Variants in HIVEP2 observed in about 807,000 individuals in gnomAD.
HIVEP2 encodes transcription factor HIVEP2.
A neutral mutation model predicts 180.7 loss-of-function variants in HIVEP2; 14 were observed. That is an observed-to-expected ratio of 0.08 (90% CI 0.05 to 0.12). The LOEUF is 0.12. Among genes scored for constraint, HIVEP2 ranks in the 10% least tolerant of loss-of-function variants. The pLI is 1.00. For missense variants in HIVEP2, 2,579 were observed against 3,008.5 expected (o/e 0.86, Z 3.34); for synonymous variants, 1,184 against 1,136.4 (o/e 1.04, Z -0.84).
intron 1 of HIVEP2, among the ~76,000 whole-genome samples, chr6:142,925,312 T>C (rs1777779486): frequency 6.6e-6 from 1 of 152,224 alleles, no homozygotes; most frequent in African/African-American, 2.4e-5. Flanking sequence ...GAGTGTACTA[T>C]AATGGATTCT....
intron 1 of HIVEP2, among the ~76,000 whole-genome samples, chr6:142,939,325 C>T (rs1778121739): frequency 6.6e-6 from 1 of 152,038 alleles, no homozygotes; most frequent in South Asian, 2.1e-4. Context: ...GTCTCCTTGC[C>T]ACCGAGATAT....
At position 142,820,297 on chromosome 6, in the gene HIVEP2, TTC is replaced by T. The variant is rs3057563; in HGVS notation, c.-528+16636_-528+16637del. 7.1e-4 allele frequency among the ~76,000 whole-genome samples: 106 copies of T among 148,302 alleles called. No homozygotes were observed. In the East Asian group the frequency reaches 9.1e-3, roughly 13 times the overall value. ...ACTACTTTACCAGGCTCGCTCTCTC[TTC>T]TCTCTCTCTCTCTCTCTCTCTCTGT... On this transcript the variant is annotated intron_variant, in intron 2 of 9. Coordinates refer to ENST00000367603, the MANE Select transcript of HIVEP2 (RefSeq NM_006734.4).
intron 2 of HIVEP2, among the ~76,000 whole-genome samples, chr6:142,814,422 C>T (rs987703560): frequency 7.9e-5 from 12 of 152,092 alleles, no homozygotes; most frequent in African/African-American, 2.7e-4. Context: ...GTGGAGACTT[C>T]GGGCAAGGAC....
At chr6:142,883,751 C>T (rs182202739) in intron 1 of HIVEP2, among the ~76,000 whole-genome samples, 29 of 152,160 alleles carry the variant, frequency 1.9e-4, no homozygotes, top group Non-Finnish European at 3.4e-4. Flanking sequence ...TGGATCTCAC[C>T]AATATTTTAA....
chr6:142,923,758 T>C (rs1006121664), intron 1 of HIVEP2, among the ~76,000 whole-genome samples: 5 of 152,140 alleles, frequency 3.3e-5, no homozygotes, highest in Non-Finnish European at 7.4e-5. Flanking sequence ...AAGCCAGCCC[T>C]GTGGAGCCCC....
chr6:142,766,529 T>A (rs984657302), intron 6 of HIVEP2, among the ~76,000 whole-genome samples: 1 of 152,204 alleles, frequency 6.6e-6, no homozygotes, highest in Non-Finnish European at 1.5e-5. Context: ...ACAAAGCTAA[T>A]TTTCTTCAAG....
At position 142,772,848 on chromosome 6, in the gene HIVEP2, C is replaced by T. The variant is rs746488382; in HGVS notation, c.1891G>A (p.Gly631Arg). The change falls in exon 5 of 10, where the codon GGG becomes AGG. Residue 631 changes from glycine (G) to arginine (R), a missense_variant. Physicochemically the swap from Gly to Arg is moderately radical, Grantham distance 125. Around this residue, in one of 11 missense-constraint regions of HIVEP2, gnomAD observed 524 missense variants for 563.6 expected, o/e 0.93. Transcript: ENST00000367603. The surrounding 1 kb of genome is among the most constrained non-coding windows in gnomAD (Gnocchi z 4.9). ...TCATAGTCATACCCAACCCTGTCCC[C>T]AGGAGACAATTTCTTTTCCTTCAGG... ...SSLKEKKLSP[G>R]DRVGYDYDVC... 8 of 1,614,180 alleles carry T rather than the reference C, an allele frequency of 5.0e-6. No individual in the cohort carries two copies. Among genetic ancestry groups the T allele is most frequent in the South Asian group, 1.1e-5 (1 of 91,082 alleles).
chr6:142,904,915 C>G (rs1777225290), intron 1 of HIVEP2, among the ~76,000 whole-genome samples: 1 of 152,040 alleles, frequency 6.6e-6, no homozygotes. Context: ...ATCTATTGAC[C>G]TGGGATAACA....
rs1316825243 is a variant in HIVEP2, at chr6:142,771,283, G to A, written c.3456C>T (p.His1152=). ...PCPPLSSGPL[H]LAQPQIMHMD... ...TGTGCATGATCTGTGGCTGGGCCAG[G>A]TGCAGTGGCCCCGAGCTCAGCGGGG... The change falls in exon 5 of 10, where the codon CAC becomes CAT. Residue 1152 remains histidine, a synonymous_variant. Coordinates refer to ENST00000367603, the MANE Select transcript of HIVEP2 (RefSeq NM_006734.4). The surrounding 1 kb of genome is among the most constrained non-coding windows in gnomAD (Gnocchi z 5.4). 2 of 1,613,768 alleles carry A rather than the reference G, an allele frequency of 1.2e-6. No homozygotes were observed. The highest frequency in any genetic ancestry group is 1.7e-5 in the Admixed American group (1 of 60,032).
intron 4 of HIVEP2, among the ~76,000 whole-genome samples, chr6:142,775,654 G>A (rs1439065916): frequency 1.3e-5 from 2 of 152,054 alleles, no homozygotes; most frequent in African/African-American, 4.8e-5. Context: ...GGCCAAAATG[G>A]TGAAACCCCG....
intron 6 of HIVEP2, among the ~76,000 whole-genome samples, chr6:142,765,331 T>C (rs1775355052): frequency 6.6e-6 from 1 of 152,194 alleles, no homozygotes; most frequent in South Asian, 2.1e-4. Flanking sequence ...TCAAGGGACA[T>C]ACAAAAAGCA....
chr6:142,800,976 CTCTACATTTTGACCAGA>C (rs1776391026), intron 2 of HIVEP2, among the ~76,000 whole-genome samples: 1 of 152,066 alleles, frequency 6.6e-6, no homozygotes, highest in East Asian at 1.9e-4. Flanking sequence ...TGGCAGAAAC[CTCTACATTTTGACCAGA>C]GTGAATACTG....
chr6:142,857,860 C>A (rs898137300), intron 1 of HIVEP2, among the ~76,000 whole-genome samples: 1 of 152,184 alleles, frequency 6.6e-6, no homozygotes, highest in South Asian at 2.1e-4. Flanking sequence ...CGGGGGGAAG[C>A]CACGGGGCTG....
intron 2 of HIVEP2, among the ~76,000 whole-genome samples, chr6:142,815,324 G>T (rs1402636857): frequency 6.6e-6 from 1 of 152,114 alleles, no homozygotes; most frequent in Non-Finnish European, 1.5e-5. Flanking sequence ...GGAGACTGAG[G>T]AGTAATCGGG....
chr6:142,812,122 A>G (rs1349003616), intron 2 of HIVEP2, among the ~76,000 whole-genome samples: 1 of 152,234 alleles, frequency 6.6e-6, no homozygotes, highest in Non-Finnish European at 1.5e-5. Context: ...ATGGAAGTCC[A>G]GGGAGCCGAA....
intron 1 of HIVEP2, among the ~76,000 whole-genome samples, chr6:142,875,893 T>C (rs927088779): frequency 1.8e-5 from 2 of 112,612 alleles, no homozygotes; most frequent in East Asian, 4.4e-4. Context: ...GATAGATCCA[T>C]TAATGAAAAT....
chr6:142,939,653 A>G (rs573489387), intron 1 of HIVEP2, among the ~76,000 whole-genome samples: 52 of 152,338 alleles, frequency 3.4e-4, no homozygotes, highest in African/African-American at 1.2e-3. Flanking sequence ...CAGTTGGAAA[A>G]AATCCTGCTT....
chr6:142,796,874 A>C (rs557107681), intron 2 of HIVEP2, among the ~76,000 whole-genome samples: 1 of 152,154 alleles, frequency 6.6e-6, no homozygotes, highest in African/African-American at 2.4e-5. Context: ...GATGCTTGCA[A>C]CACTTGAGCT....
intron 1 of HIVEP2, among the ~76,000 whole-genome samples, chr6:142,939,502 CTA>C (rs1167611772): frequency 6.6e-6 from 1 of 152,198 alleles, no homozygotes; most frequent in Non-Finnish European, 1.5e-5. Flanking sequence ...TGCCCTGGTA[CTA>C]TCCCTGTCCC....
Sources: allele counts gnomAD v4.1 joint callset (sites outside exome capture counted in the v4.1 genomes callset), GRCh38; gene constraint gnomAD v4.1.1; regional missense constraint gnomAD v4.1.1; non-coding constraint Gnocchi (gnomAD v3.1); transcripts MANE v1.5; gene names NCBI Gene and HGNC (gene_info 2026-07-23, HGNC 2026-07-21).